The following NDUFAF7 variants were observed in gnomAD, a reference collection of about 807,000 sequenced individuals.
The protein encoded by NDUFAF7 is NADH:ubiquinone oxidoreductase complex assembly factor 7.
Under a neutral mutation model 47.2 loss-of-function variants are expected in NDUFAF7, and 48 were observed. The ratio of observed to expected loss-of-function variants is 1.02; its 90% CI spans 0.81 to 1.29. The LOEUF (loss-of-function observed/expected upper bound fraction) is 1.29, where lower values mean the gene tolerates loss of function less well. Ranked by LOEUF, NDUFAF7 falls within the 50% of genes most tolerant of loss-of-function variation. The pLI, the probability that NDUFAF7 is intolerant of heterozygous loss-of-function variation, is 0.00. For synonymous variants in NDUFAF7, 217 were observed against 190.0 expected, an observed-to-expected ratio of 1.14 and a Z score of -1.17; for missense variants, 635 against 537.6, an observed-to-expected ratio of 1.18 and a Z score of -1.79.
intron 2 of NDUFAF7, among the ~76,000 whole-genome samples, chr2:37,235,554 G>A (rs907527849): frequency 1.3e-5 from 2 of 152,008 alleles, no homozygotes; most frequent in African/African-American, 4.8e-5. Context: ...CTGCCTTTAC[G>A]GTCAAGGTGT....
intron 7 of NDUFAF7, among the ~76,000 whole-genome samples, 162 bp downstream of exon 7, chr2:37,244,135 G>C (rs538576756): frequency 6.6e-6 from 1 of 152,266 alleles, no homozygotes; most frequent in South Asian, 2.1e-4. Flanking sequence ...GGAGCTAGAG[G>C]CAGGAGCATG....
Position 37,237,797 on chromosome 2 carries a change from GA to G in NDUFAF7, c.343del (p.Ser115AlafsTer21). 6.2e-7 allele frequency: 1 copy of G among 1,613,846 alleles called. No individual in the cohort carries two copies. Among genetic ancestry groups the G allele is most frequent in the Non-Finnish European group, 8.5e-7 (1 of 1,179,816 alleles). On this transcript the variant is annotated frameshift_variant, in exon 4 of 10. Transcript: ENST00000002125. LOFTEE classifies it high-confidence loss of function. ...TTCATTAGTGAATGGATGGCCACTG[GA>G]AAAAGCACAGCTTTCCAGCTGGTGG... The part of the protein sequence containing the change: ...IWFISEWMAT[G>X]KSTAFQLVEL...
At chr2:37,242,137 A>G (rs1666415341) in intron 5 of NDUFAF7, 5 of 300,488 alleles carry the variant, frequency 1.7e-5, no homozygotes, top group South Asian at 1.3e-4. Flanking sequence ...GGTTTAGTTC[A>G]GTTATAGAGT....
At chr2:37,242,552 G>C in intron 5 of NDUFAF7, 83 bp from the exon 6 acceptor site, 1 of 1,096,112 alleles carries the variant, frequency 9.1e-7, no homozygotes, top group Admixed American at 2.0e-5. Context: ...GGAGGAAGTA[G>C]GCATTTTTTT....
chr2:37,243,994 GTTTCT>G, intron 7 of NDUFAF7, 21 bp downstream of exon 7: 1 of 1,550,646 alleles, frequency 6.4e-7, no homozygotes. Context: ...GCTTTTTTAA[GTTTCT>G]TTTATTGCTC....
chr2:37,260,501 A>T, the NDUFAF7 span: 1 of 920,566 alleles, frequency 1.1e-6, no homozygotes, highest in Non-Finnish European at 1.7e-6. Context: ...GAAGTAAACA[A>T]AGCAAACAAA....
chr2:37,265,106 C>A, the NDUFAF7 span, among the ~76,000 whole-genome samples: 1 of 151,994 alleles, frequency 6.6e-6, no homozygotes, highest in South Asian at 2.1e-4. Flanking sequence ...GTATCAACAG[C>A]AGGATGAACT....
At chr2:37,266,817 T>G in the NDUFAF7 span, among the ~76,000 whole-genome samples, 1 of 152,292 alleles carries the variant, frequency 6.6e-6, no homozygotes, top group South Asian at 2.1e-4. Flanking sequence ...CCATGATTTC[T>G]TTAATAATAT....
At chr2:37,270,124 G>A in the NDUFAF7 span, among the ~76,000 whole-genome samples, 5 of 152,072 alleles carry the variant, frequency 3.3e-5, no homozygotes, top group African/African-American at 1.2e-4. Flanking sequence ...CTACTCGGGA[G>A]GCTGAGGCAG....
At chr2:37,238,967 A>G (rs1396543186) in intron 4 of NDUFAF7, among the ~76,000 whole-genome samples, 2 of 151,962 alleles carry the variant, frequency 1.3e-5, no homozygotes, top group Non-Finnish European at 2.9e-5. Context: ...TAAAATCACA[A>G]TGAGATACTA....
downstream of NDUFAF7, among the ~76,000 whole-genome samples, chr2:37,257,666 C>CAAAAAAA (rs1491483662): frequency 4.8e-5 from 3 of 62,432 alleles, no homozygotes; most frequent in East Asian, 1.6e-3. Flanking sequence ...GACTCTGTCT[C>CAAAAAAA]AAAAGAAAAA....
At chr2:37,262,375 T>C in the NDUFAF7 span, among the ~76,000 whole-genome samples, 1 of 152,356 alleles carries the variant, frequency 6.6e-6, no homozygotes, top group Non-Finnish European at 1.5e-5. Context: ...ATTGTTTCAG[T>C]TATTTTAGCT....
At chr2:37,257,493 G>A (rs1265562302), downstream of NDUFAF7, among the ~76,000 whole-genome samples, 1 of 151,800 alleles carries the variant, frequency 6.6e-6, no homozygotes, top group African/African-American at 2.4e-5. Flanking sequence ...GTGAAACCCC[G>A]TCTCTACTGA....
rs148027389 is a variant in NDUFAF7, at chr2:37,236,309, G to A, written c.297+133G>A. The A allele has an allele frequency of 0.012, 9,388 of 786,164 alleles. 79 individuals are homozygous for A. The highest frequency in any genetic ancestry group is 0.014 in the Non-Finnish European group (6,276 of 452,980). 48.7% of individuals were successfully genotyped at this position (786,164 alleles called of 1,614,324 possible). On this transcript the variant is annotated intron_variant, in intron 3 of 9. Coordinates refer to ENST00000002125, the MANE Select transcript of NDUFAF7 (RefSeq NM_144736.5). ...AAGTTTTAACTTTATAGTAGTTTAT[G>A]TACTGAGGGAATAGAGAGGCAGTAG...
chr2:37,267,321 T>C, the NDUFAF7 span: 1 of 708,352 alleles, frequency 1.4e-6, no homozygotes, highest in South Asian at 2.0e-5. Flanking sequence ...AATGCCTATA[T>C]TACCATAATC....
intron 2 of NDUFAF7, among the ~76,000 whole-genome samples, chr2:37,234,162 T>C (rs543035964): frequency 6.8e-4 from 103 of 152,336 alleles, no homozygotes; most frequent in African/African-American, 2.4e-3. Flanking sequence ...CAATCTTGGC[T>C]CACTGCAACC....
chr2:37,261,776 A>G, the NDUFAF7 span, among the ~76,000 whole-genome samples: 158 of 152,074 alleles, frequency 1.0e-3, 3 homozygotes, highest in Admixed American at 9.6e-3. Flanking sequence ...GCAAAACTCT[A>G]TCTCAAAAAC....
intron 7 of NDUFAF7, among the ~76,000 whole-genome samples, chr2:37,245,651 T>C (rs570079322): frequency 1.3e-5 from 2 of 150,430 alleles, no homozygotes; most frequent in East Asian, 2.0e-4. Context: ...AATATTTTCA[T>C]TGACTGTTAT....
intron 2 of NDUFAF7, among the ~76,000 whole-genome samples, chr2:37,234,561 G>T (rs1665548401): frequency 6.7e-6 from 1 of 149,284 alleles, no homozygotes; most frequent in Non-Finnish European, 1.5e-5. Flanking sequence ...ACACAAAAAA[G>T]CGTAAATACC....
Sources: allele counts gnomAD v4.1 joint callset (sites outside exome capture counted in the v4.1 genomes callset), GRCh38; gene constraint gnomAD v4.1.1; transcripts MANE v1.5; gene names NCBI Gene and HGNC (gene_info 2026-07-23, HGNC 2026-07-21).